Variants in PATJ observed in about 807,000 individuals in gnomAD.
PATJ encodes PATJ crumbs cell polarity complex component.
PATJ carries 190 observed loss-of-function variants against 224.9 expected under a neutral mutation model. The ratio of observed to expected loss-of-function variants is 0.84; its 90% CI spans 0.75 to 0.95. PATJ has a LOEUF of 0.95. Among genes scored for constraint, PATJ ranks in the 40% least tolerant of loss-of-function variants. PATJ has a pLI of 0.00. For synonymous variants in PATJ, 769 were observed against 820.3 expected (o/e 0.94, Z 1.07); for missense variants, 2,121 against 2,270.3 (o/e 0.93, Z 1.34).
intron 41 of PATJ, among the ~76,000 whole-genome samples, 164 bp from the exon 42 acceptor site, chr1:62,148,120 T>TAAAAAAAAGA (rs1558235712): frequency 9.2e-6 from 1 of 108,498 alleles, no homozygotes; most frequent in Non-Finnish European, 1.9e-5. Flanking sequence ...GACACTGTCT[T>TAAAAAAAAGA]TAAAAAAAAA....
At chr1:62,138,598 C>T (rs1415205349) in intron 41 of PATJ, among the ~76,000 whole-genome samples, 1 of 152,060 alleles carries the variant, frequency 6.6e-6, no homozygotes, top group Non-Finnish European at 1.5e-5. Flanking sequence ...TGAGCCACTG[C>T]ACCCAGCCAA....
intron 42 of PATJ, among the ~76,000 whole-genome samples, chr1:62,150,213 G>T (rs1355932195): frequency 6.6e-6 from 1 of 152,090 alleles, no homozygotes; most frequent in Non-Finnish European, 1.5e-5. Context: ...ACCTATAGGG[G>T]GCAATTCATC....
chr1:62,082,101 T>C (rs1659353483), intron 32 of PATJ, among the ~76,000 whole-genome samples: 3 of 152,224 alleles, frequency 2.0e-5, no homozygotes, highest in Admixed American at 6.5e-5. Flanking sequence ...TATTTTAGGC[T>C]GTGGTCCACA....
At chr1:62,031,104 A>C (rs563066289) in intron 29 of PATJ, among the ~76,000 whole-genome samples, 2 of 152,134 alleles carry the variant, frequency 1.3e-5, no homozygotes, top group African/African-American at 2.4e-5. Context: ...ACAAAGGTTT[A>C]TTTCTTTCTC....
At chr1:61,915,747 A>G (rs1262112372) in intron 26 of PATJ, among the ~76,000 whole-genome samples, 1 of 149,912 alleles carries the variant, frequency 6.7e-6, no homozygotes, top group Non-Finnish European at 1.5e-5. Flanking sequence ...GCCAGGCCAG[A>G]GTGCAGTGGC....
intron 10 of PATJ, among the ~76,000 whole-genome samples, chr1:61,796,028 C>A (rs1651017764): frequency 3.3e-5 from 5 of 152,146 alleles, no homozygotes; most frequent in Admixed American, 2.0e-4. Context: ...TAAAACTGGT[C>A]TTTCCCCCAT....
chr1:61,879,722 C>A (rs7536831), intron 21 of PATJ, among the ~76,000 whole-genome samples: 149,904 of 152,192 alleles, frequency 0.98, 73,864 homozygotes, highest in East Asian at 1. Context: ...GTAAAATTCC[C>A]TCTTTTTCAT....
chr1:61,873,083 C>T (rs893972184), intron 20 of PATJ, among the ~76,000 whole-genome samples: 2 of 152,096 alleles, frequency 1.3e-5, no homozygotes, highest in Non-Finnish European at 2.9e-5. Flanking sequence ...TAAAGAATAA[C>T]ATAGTGTTAC....
chr1:61,995,284 A>G (rs1335246587), intron 28 of PATJ, among the ~76,000 whole-genome samples: 2 of 152,184 alleles, frequency 1.3e-5, no homozygotes, highest in East Asian at 1.9e-4. Context: ...TTGAAGTAAA[A>G]TGCTCAATGT....
intron 22 of PATJ, among the ~76,000 whole-genome samples, chr1:61,896,734 A>G (rs1670422782): frequency 6.6e-6 from 1 of 151,980 alleles, no homozygotes; most frequent in Non-Finnish European, 1.5e-5. Flanking sequence ...ATCATGGGGG[A>G]AGTTTTCACA....
chr1:61,765,066 ATTTTTTTTTTTTTTTT>A (rs71582647), intron 3 of PATJ, among the ~76,000 whole-genome samples: 21 of 24,022 alleles, frequency 8.7e-4, no homozygotes, highest in East Asian at 4.1e-3. Flanking sequence ...ATTGACATTC[ATTTTTTTTTTTTTTTT>A]TTTTTTTTTT....
At chr1:62,124,954 C>T (rs1665515379) in intron 39 of PATJ, among the ~76,000 whole-genome samples, 1 of 151,984 alleles carries the variant, frequency 6.6e-6, no homozygotes, top group Non-Finnish European at 1.5e-5. Flanking sequence ...CAGCTGGGTG[C>T]GGTGGCTCAT....
chr1:61,772,694 A>C (rs998680579), intron 6 of PATJ, among the ~76,000 whole-genome samples: 1 of 152,236 alleles, frequency 6.6e-6, no homozygotes, highest in African/African-American at 2.4e-5. Context: ...CAGTGAATAA[A>C]GTGGGGCATT....
At chr1:61,754,038 A>G (rs1645481135) in intron 1 of PATJ, among the ~76,000 whole-genome samples, 2 of 152,236 alleles carry the variant, frequency 1.3e-5, no homozygotes, top group South Asian at 2.1e-4. Flanking sequence ...TGAAAAATTC[A>G]TGGCACAAAC....
At chr1:61,821,324 G>A (rs893929595) in intron 14 of PATJ, among the ~76,000 whole-genome samples, 2 of 152,204 alleles carry the variant, frequency 1.3e-5, no homozygotes, top group East Asian at 1.9e-4. Flanking sequence ...GATTACAGGC[G>A]TGAGCTATCA....
chr1:62,142,358 T>G (rs1027600361), intron 41 of PATJ, among the ~76,000 whole-genome samples: 2 of 152,010 alleles, frequency 1.3e-5, no homozygotes, highest in African/African-American at 4.8e-5. Flanking sequence ...TTTTTTTTTT[T>G]CTCCTTTAAG....
intron 17 of PATJ, among the ~76,000 whole-genome samples, chr1:61,850,291 A>G (rs1158477708): frequency 6.6e-6 from 1 of 152,194 alleles, no homozygotes; most frequent in Non-Finnish European, 1.5e-5. Flanking sequence ...CATATAATAC[A>G]TTTTATAGAC....
rs1371125782 is a variant in PATJ at position 61,864,223 on chromosome 1, A to C, written c.2440-15A>C. The C allele has an allele frequency of 5.7e-6, 9 of 1,581,824 alleles. No individual in the cohort carries two copies. Among genetic ancestry groups the C allele is most frequent in the Non-Finnish European group, 7.7e-6 (9 of 1,165,824 alleles). On this transcript the variant is annotated splice_polypyrimidine_tract_variant and intron_variant, in intron 19 of 43. Transcript: ENST00000642238. ...CAGGCGTAACTTCACATTTTTTTGC[A>C]TCTTTTATTTATAGGGATTTAGAGA... is the stretch of plus-strand genomic sequence containing the variant.
In PATJ at chr1:61,861,740, G is replaced by A. The variant is rs1282958516; in HGVS notation, c.2439+73G>A. Reference sequence around the variant, plus strand: ...AATTTCTATGTAGAAAGAATAAAAAGAAAATAAGACAAAAGCTTGTCCTTA... The same window carrying A: ...AATTTCTATGTAGAAAGAATAAAAAAAAAATAAGACAAAAGCTTGTCCTTA... On this transcript the variant is annotated intron_variant, in intron 19 of 43. Transcript: ENST00000642238. 3 of 646,758 alleles carry A rather than the reference G, an allele frequency of 4.6e-6. No individual in the cohort carries two copies. In the African/African-American group the frequency reaches 5.7e-5, roughly 12 times the overall value. The allele number at this position is 646,758 out of a possible 1,614,324, so 40.1% of individuals were successfully genotyped here.
Sources: gnomAD v4.1 joint callset for allele counts (sites outside exome capture counted in the v4.1 genomes callset) on GRCh38, gnomAD v4.1.1 for gene constraint, MANE v1.5 for transcripts, NCBI Gene and HGNC (gene_info 2026-07-23, HGNC 2026-07-21) for gene names.